Variants in ELAC1 observed in about 807,000 individuals in gnomAD.
ELAC1 encodes the protein zinc phosphodiesterase ELAC protein 1.
ELAC1 carries 19 observed loss-of-function variants against 25.8 expected under a neutral mutation model. That is an observed-to-expected ratio of 0.74 (90% CI 0.51 to 1.08). The LOEUF is 1.08. Among genes scored for constraint, ELAC1 ranks in the 50% least tolerant of loss-of-function variants. The pLI, the probability that ELAC1 is intolerant of heterozygous loss-of-function variation, is 0.00. For missense variants in ELAC1, 403 were observed against 434.6 expected (o/e 0.93, Z 0.65); for synonymous variants, 148 against 160.9 (o/e 0.92, Z 0.61).
intron 3 of ELAC1, among the ~76,000 whole-genome samples, chr18:50,985,784 C>T (rs1908092417): frequency 6.6e-6 from 1 of 152,028 alleles, no homozygotes; most frequent in South Asian, 2.1e-4. Context: ...TCATACTATA[C>T]TAGTTTGTAA....
chr18:50,977,897 T>G (rs970351265), intron 2 of ELAC1, among the ~76,000 whole-genome samples: 1 of 152,204 alleles, frequency 6.6e-6, no homozygotes, highest in Non-Finnish European at 1.5e-5. Context: ...AAATTTCTTC[T>G]GCCAGATACC....
At chr18:50,981,843 CTTTT>C (rs750956755) in intron 2 of ELAC1, among the ~76,000 whole-genome samples, 4 of 117,868 alleles carry the variant, frequency 3.4e-5, no homozygotes, top group Admixed American at 8.7e-5. Context: ...TGCTATAGTT[CTTTT>C]TTTTTTTTTT....
rs1273320004 is a variant in ELAC1 at position 50,984,162 on chromosome 18, T to C, written c.224T>C (p.Leu75Pro). Residue 75 changes from leucine to proline, a missense_variant, in exon 3 of 4, where the codon CTC becomes CCC. Coordinates refer to ENST00000269466, the MANE Select transcript of ELAC1 (RefSeq NM_018696.3). Reference sequence around the variant, plus strand: ...CATTTCTTTGGCCTTCCTGGGCTCCTCTGCACAATCAGCCTGCAGAGTGGC... The same window carrying C: ...CATTTCTTTGGCCTTCCTGGGCTCCCCTGCACAATCAGCCTGCAGAGTGGC... ...GDHFFGLPGL[L>P]CTISLQSGSM... is the part of the protein sequence containing the mutation. 13 of 1,614,062 alleles carry C rather than the reference T, an allele frequency of 8.1e-6. No individual in the cohort carries two copies. The East Asian group carries it at 2.9e-4, about 36-fold the overall frequency.
chr18:50,968,165 T>C (rs1413191129), intron 1 of ELAC1, 51 bp downstream of exon 1: 4 of 152,056 alleles, frequency 2.6e-5, no homozygotes, highest in African/African-American at 4.8e-5. Flanking sequence ...TCCTCGGGAC[T>C]CGCCGGCTCG....
At position 50,975,609 on chromosome 18, in the gene ELAC1, G is replaced by A. The variant is rs576340709; in HGVS notation, c.157+1048G>A. On this transcript the variant is annotated intron_variant, in intron 2 of 3. Coordinates refer to ENST00000269466, the MANE Select transcript of ELAC1 (RefSeq NM_018696.3). Reference sequence around the variant, plus strand: ...CTTTAGTGAATGGATAAGACGTTTAGCAACTTAGCACAGTGCCTCTCACTT... The same window carrying A: ...CTTTAGTGAATGGATAAGACGTTTAACAACTTAGCACAGTGCCTCTCACTT... Among the ~76,000 whole-genome samples, 10 of 151,752 alleles carry A rather than the reference G, an allele frequency of 6.6e-5. No individual in the cohort carries two copies. In the East Asian group the frequency reaches 2.0e-3, roughly 30 times the overall value.
intron 1 of ELAC1, among the ~76,000 whole-genome samples, chr18:50,972,995 G>C (rs1907704098): frequency 6.6e-6 from 1 of 152,184 alleles, no homozygotes; most frequent in African/African-American, 2.4e-5. Flanking sequence ...TAGGAAGGAT[G>C]AACATCTCTG....
At chr18:50,977,834 AG>A (rs1448587085) in intron 2 of ELAC1, among the ~76,000 whole-genome samples, 2 of 152,236 alleles carry the variant, frequency 1.3e-5, no homozygotes, top group African/African-American at 4.8e-5. Context: ...AATACATAAA[AG>A]TGAATGCTTT....
intron 1 of ELAC1, among the ~76,000 whole-genome samples, chr18:50,972,377 T>C (rs1907690765): frequency 6.6e-6 from 1 of 152,216 alleles, no homozygotes; most frequent in Non-Finnish European, 1.5e-5. Flanking sequence ...TTTTACACCT[T>C]TGTTATATAC....
intron 3 of ELAC1, 82 bp downstream of exon 3, chr18:50,984,645 A>C: frequency 9.5e-7 from 1 of 1,055,514 alleles, no homozygotes; most frequent in Non-Finnish European, 1.4e-6. Flanking sequence ...GAAATGTCAT[A>C]GTAAGGCCAG....
intron 2 of ELAC1, among the ~76,000 whole-genome samples, chr18:50,983,455 C>T (rs185687677): frequency 7.2e-5 from 11 of 151,856 alleles, no homozygotes; most frequent in African/African-American, 1.9e-4. Flanking sequence ...GTTGAGCCAC[C>T]GTGCCTGGCC....
At chr18:50,976,142 A>C (rs893383986) in intron 2 of ELAC1, among the ~76,000 whole-genome samples, 2 of 152,166 alleles carry the variant, frequency 1.3e-5, no homozygotes, top group African/African-American at 4.8e-5. Flanking sequence ...TTCTACTGGG[A>C]AAAAGGAACC....
At chr18:50,976,485 C>T (rs7231013) in intron 2 of ELAC1, among the ~76,000 whole-genome samples, 51,258 of 151,942 alleles carry the variant, frequency 0.34, 9,050 homozygotes, top group East Asian at 0.41. Flanking sequence ...CACCCTTTAT[C>T]AACCCGTCAG....
At chr18:50,974,684 C>A (rs973850820) in intron 2 of ELAC1, 123 bp downstream of exon 2, 68 of 877,938 alleles carry the variant, frequency 7.7e-5, no homozygotes, top group Admixed American at 3.3e-4. Context: ...AGTGCTACAC[C>A]CTGGTGAGAC....
intron 2 of ELAC1, among the ~76,000 whole-genome samples, chr18:50,980,129 G>A (rs1006181937): frequency 3.3e-5 from 5 of 151,994 alleles, no homozygotes; most frequent in Admixed American, 6.6e-5. Context: ...CTTGAGGCCA[G>A]GAGTTTGAGA....
chr18:50,985,519 T>A lies in ELAC1; in HGVS notation c.625+956T>A, dbSNP rs574459529. Among the ~76,000 whole-genome samples the A allele has an allele frequency of 8.5e-5, 13 of 152,360 alleles. No homozygotes were observed. The South Asian group carries it at 2.7e-3, about 32-fold the overall frequency. On this transcript the variant is annotated intron_variant, in intron 3 of 3. Transcript: ENST00000269466. ...GAGGGGATCTTTTCAGCACCTCTTG[T>A]GAGGTAGAGTCCAGGTACATTATAT... is the stretch of plus-strand genomic sequence containing the variant.
rs1908149139 is a variant in ELAC1, at chr18:50,987,644, C to T, written c.*559C>T. On this transcript the variant is annotated 3_prime_UTR_variant, in exon 4 of 4. Transcript: ENST00000269466. ...ATTAAACTTTCTATTTGGGTCTTAA[C>T]CCATGGTTCTCAGCTGGGGTGACAC... The T allele has an allele frequency of 6.6e-6, 1 of 152,198 alleles. No homozygotes were observed. The highest frequency in any genetic ancestry group is 1.5e-5 in the Non-Finnish European group (1 of 68,056). 9.4% of individuals were successfully genotyped at this position (152,198 alleles called of 1,614,324 possible).
At chr18:50,984,973 C>A in intron 3 of ELAC1, 1 of 214,410 alleles carries the variant, frequency 4.7e-6, no homozygotes, top group Non-Finnish European at 9.1e-6. Flanking sequence ...CTCCTCTATC[C>A]CAGGCCTGAA....
chr18:50,980,476 T>C (rs1319309727), intron 2 of ELAC1, among the ~76,000 whole-genome samples: 2 of 150,714 alleles, frequency 1.3e-5, no homozygotes, highest in Non-Finnish European at 3.0e-5. Flanking sequence ...AGAAAAAAAA[T>C]TTCTGAGGCC....
intron 1 of ELAC1, 136 bp from the exon 2 acceptor site, chr18:50,974,261 T>A: frequency 1.7e-6 from 1 of 589,968 alleles, no homozygotes; most frequent in Non-Finnish European, 2.6e-6. Flanking sequence ...ACTGTGGATA[T>A]GTGTGGAATA....
Sources: gnomAD v4.1 joint callset for allele counts (sites outside exome capture counted in the v4.1 genomes callset) on GRCh38, gnomAD v4.1.1 for gene constraint, MANE v1.5 for transcripts, NCBI Gene and HGNC (gene_info 2026-07-23, HGNC 2026-07-21) for gene names.